Variants in SMOC1 observed in about 807,000 individuals in gnomAD.
SMOC1 encodes the protein SPARC-related modular calcium-binding protein 1.
In SMOC1, 22 loss-of-function variants were observed where a neutral mutation model predicts 56.3. That is an observed-to-expected ratio of 0.39 (90% CI 0.28 to 0.56). The LOEUF is 0.56. Among genes scored for constraint, SMOC1 ranks in the 20% least tolerant of loss-of-function variants. The pLI, the probability that SMOC1 is intolerant of heterozygous loss-of-function variation, is 0.61. For synonymous variants in SMOC1, 193 were observed against 215.0 expected, an observed-to-expected ratio of 0.90 and a Z score of 0.89; for missense variants, 509 against 565.4, an observed-to-expected ratio of 0.90 and a Z score of 1.01.
chr14:70,000,158 G>T (rs1013886289), intron 7 of SMOC1, among the ~76,000 whole-genome samples: 1 of 152,134 alleles, frequency 6.6e-6, no homozygotes, highest in African/African-American at 2.4e-5. Context: ...AGTGGCTTTG[G>T]AAGTAGACGG....
At chr14:69,906,829 T>G (rs1884421629) in intron 1 of SMOC1, among the ~76,000 whole-genome samples, 1 of 152,084 alleles carries the variant, frequency 6.6e-6, no homozygotes, top group Non-Finnish European at 1.5e-5. Flanking sequence ...AAGATTGCCA[T>G]GAAAGAGAGG....
chr14:69,991,073 G>C (rs1228489953), intron 5 of SMOC1, among the ~76,000 whole-genome samples: 1 of 152,148 alleles, frequency 6.6e-6, no homozygotes, highest in Non-Finnish European at 1.5e-5. Context: ...AGCTCCAAAT[G>C]GTAGAGGGTT....
At chr14:69,944,694 G>A (rs1882715879) in intron 1 of SMOC1, among the ~76,000 whole-genome samples, 3 of 152,206 alleles carry the variant, frequency 2.0e-5, no homozygotes, top group Non-Finnish European at 4.4e-5. Flanking sequence ...TTTCCACCTT[G>A]ACATATATTA....
chr14:69,926,308 A>G (rs1247459190), intron 1 of SMOC1, among the ~76,000 whole-genome samples: 1 of 152,208 alleles, frequency 6.6e-6, no homozygotes, highest in East Asian at 1.9e-4. Context: ...GGGCCAATCA[A>G]TCAGCTGCCA....
chr14:69,993,371 T>A (rs1482216595), intron 6 of SMOC1, among the ~76,000 whole-genome samples: 1 of 152,140 alleles, frequency 6.6e-6, no homozygotes, highest in South Asian at 2.1e-4. Flanking sequence ...TACTGAGTAC[T>A]CCATATTCCC....
rs562179965 is a variant in SMOC1, at chr14:69,886,150, C to T, written c.99+6373C>T. ...TCTTTCCTTTCGGCATCTTGGGCAG[C>T]GGGAGGAGAGAGCTCCTTTGAACAA... On this transcript the variant is annotated intron_variant, in intron 1 of 11. Transcript: ENST00000361956. The T allele has an allele frequency of 1.0e-4, 144 of 1,371,504 alleles. 1 individual carries two copies. The highest frequency in any genetic ancestry group is 4.9e-4 in the Middle Eastern group (2 of 4,080). 85.0% of individuals were successfully genotyped at this position (1,371,504 alleles called of 1,614,324 possible).
chr14:69,946,448 C>A (rs1055479794), intron 1 of SMOC1, among the ~76,000 whole-genome samples: 1 of 152,008 alleles, frequency 6.6e-6, no homozygotes, highest in Non-Finnish European at 1.5e-5. Context: ...TATCCCAGCT[C>A]CTTTTGTTTG....
intron 1 of SMOC1, among the ~76,000 whole-genome samples, chr14:69,924,499 C>T (rs983634792): frequency 6.6e-6 from 1 of 151,946 alleles, no homozygotes; most frequent in African/African-American, 2.4e-5. Context: ...AATGGGAAAC[C>T]CTCCAGTGCC....
chr14:69,952,036 G>A (rs1883015280), intron 1 of SMOC1, 102 bp from the exon 2 acceptor site: 1 of 1,350,274 alleles, frequency 7.4e-7, no homozygotes, highest in Non-Finnish European at 1.1e-6. Context: ...GGTTTATTAG[G>A]GACTTACTTT....
intron 1 of SMOC1, among the ~76,000 whole-genome samples, chr14:69,949,634 G>A (rs227391): frequency 0.036 from 5,491 of 152,228 alleles, 185 homozygotes; most frequent in African/African-American, 0.086. Context: ...GCCAAAATCC[G>A]AAGCAGGGTG....
chr14:69,986,509 T>A (rs1884369500), intron 5 of SMOC1, among the ~76,000 whole-genome samples: 3 of 152,196 alleles, frequency 2.0e-5, no homozygotes, highest in African/African-American at 7.2e-5. Context: ...CTTACCCATA[T>A]CATTATGCTA....
At chr14:69,970,397 G>GAAA (rs1883716976) in intron 3 of SMOC1, among the ~76,000 whole-genome samples, 1 of 152,162 alleles carries the variant, frequency 6.6e-6, no homozygotes, top group African/African-American at 2.4e-5. Context: ...TTAGATTGGT[G>GAAA]ACCTCTAAGG....
At chr14:69,972,555 CTGG>C (rs1883802180) in intron 3 of SMOC1, among the ~76,000 whole-genome samples, 1 of 152,180 alleles carries the variant, frequency 6.6e-6, no homozygotes, top group South Asian at 2.1e-4. Context: ...ATTTTGTAAT[CTGG>C]GCTCTCTACT....
intron 3 of SMOC1, among the ~76,000 whole-genome samples, chr14:69,966,522 A>G (rs888631794): frequency 1.3e-5 from 2 of 152,184 alleles, no homozygotes; most frequent in African/African-American, 4.8e-5. Context: ...TTGTGGAATT[A>G]TGGACCTTCT....
intron 5 of SMOC1, 71 bp downstream of exon 5, chr14:69,978,036 G>A (rs1276735980): frequency 2.0e-5 from 24 of 1,224,560 alleles, no homozygotes; most frequent in Non-Finnish European, 2.9e-5. Flanking sequence ...TCTTAGATGA[G>A]ATAGAAGGAG....
chr14:69,986,365 A>G (rs1361504266), intron 5 of SMOC1, among the ~76,000 whole-genome samples: 1 of 152,162 alleles, frequency 6.6e-6, no homozygotes, highest in Non-Finnish European at 1.5e-5. Context: ...CACGTGGATA[A>G]AATTGCAGAG....
At chr14:69,883,538 A>G (rs1020892023) in intron 1 of SMOC1, among the ~76,000 whole-genome samples, 1 of 152,204 alleles carries the variant, frequency 6.6e-6, no homozygotes, top group East Asian at 1.9e-4. Flanking sequence ...CTGATAGACA[A>G]TTAGGTTGAT....
Position 70,017,412 on chromosome 14 carries a change from A to T in SMOC1, c.1046+3921A>T, listed in dbSNP as rs542833344. On this transcript the variant is annotated intron_variant, in intron 10 of 11. Coordinates refer to ENST00000361956, the MANE Select transcript of SMOC1 (RefSeq NM_001034852.3). ...ACAGGACTGACGAAGACAATTAGGAAATCCAGGCATTCTGAGTTTTGGCCT... is the reference window on the plus strand; with the variant it reads ...ACAGGACTGACGAAGACAATTAGGATATCCAGGCATTCTGAGTTTTGGCCT... 4.6e-5 allele frequency among the ~76,000 whole-genome samples: 7 copies of T among 152,304 alleles called. No homozygotes were observed. In the South Asian group the frequency reaches 1.5e-3, roughly 32 times the overall value.
intron 1 of SMOC1, among the ~76,000 whole-genome samples, chr14:69,906,260 T>C (rs1012543619): frequency 6.6e-6 from 1 of 152,140 alleles, no homozygotes; most frequent in Non-Finnish European, 1.5e-5. Flanking sequence ...CTTCCAAGGC[T>C]AGGTAATAAA....
Sources: gnomAD v4.1 joint callset for allele counts (sites outside exome capture counted in the v4.1 genomes callset) on GRCh38, gnomAD v4.1.1 for gene constraint, MANE v1.5 for transcripts, NCBI Gene and HGNC (gene_info 2026-07-23, HGNC 2026-07-21) for gene names.